EFCAB6: variants seen among roughly 807,000 people sequenced by gnomAD.
EFCAB6 encodes the protein EF-hand calcium binding domain 6, also known as EF-hand calcium-binding domain-containing protein 6.
Under a neutral mutation model 169.8 loss-of-function variants are expected in EFCAB6, and 156 were observed. That is an observed-to-expected ratio of 0.92 (90% CI 0.81 to 1.05). The LOEUF (loss-of-function observed/expected upper bound fraction) is 1.05. EFCAB6 is among the 50% of genes least tolerant of loss of function. The pLI, the probability that EFCAB6 is intolerant of heterozygous loss-of-function variation, is 0.00. For missense variants in EFCAB6, 1,800 were observed against 1,829.1 expected (o/e 0.98, Z 0.29); for synonymous variants, 698 against 676.4 (o/e 1.03, Z -0.50).
At chr22:43,690,182 C>T (rs994569328) in intron 10 of EFCAB6, among the ~76,000 whole-genome samples, 1 of 152,078 alleles carries the variant, frequency 6.6e-6, no homozygotes, top group African/African-American at 2.4e-5. Flanking sequence ...TATTTCCATA[C>T]CTCTACCAGC....
intron 25 of EFCAB6, among the ~76,000 whole-genome samples, chr22:43,577,763 C>T (rs1006188281): frequency 2.0e-5 from 3 of 151,986 alleles, no homozygotes; most frequent in African/African-American, 7.3e-5. Flanking sequence ...CTGCAAAGCT[C>T]AGCTGGCTGG....
At chr22:43,673,108 C>T (rs1479432494) in intron 13 of EFCAB6, among the ~76,000 whole-genome samples, 3 of 152,024 alleles carry the variant, frequency 2.0e-5, no homozygotes, top group African/African-American at 2.4e-5. Flanking sequence ...GTATTTTTGT[C>T]TCAAGGTACA....
Position 43,626,590 on chromosome 22 carries a change from C to CAGGAGT in EFCAB6, c.2321_2322insACTCCT (p.Leu774_Leu775dup). 6.2e-7 allele frequency: 1 copy of CAGGAGT among 1,614,198 alleles called. No individual in the cohort carries two copies. On this transcript the variant is annotated inframe_insertion, in exon 20 of 32. Transcript: ENST00000262726. Reference sequence around the variant, plus strand: ...CAAACTCGTCGTCTTTGAGATTAAGCAGTAGATGCAGGAGCAGTCTGTGAA... The same window carrying CAGGAGT: ...CAAACTCGTCGTCTTTGAGATTAAGCAGGAGTAGTAGATGCAGGAGCAGTCTGTGAA...
chr22:43,725,952 T>G (rs1349292722), intron 8 of EFCAB6, among the ~76,000 whole-genome samples: 4 of 152,148 alleles, frequency 2.6e-5, no homozygotes, highest in Non-Finnish European at 1.5e-5. Context: ...GAATGCAGGA[T>G]AGAAGACAGA....
At chr22:43,580,852 G>A (rs1375350560) in intron 24 of EFCAB6, among the ~76,000 whole-genome samples, 193 bp from the exon 25 acceptor site, 2 of 152,170 alleles carry the variant, frequency 1.3e-5, no homozygotes, top group Non-Finnish European at 2.9e-5. Context: ...TGCAATAAGA[G>A]GACACAGGGT....
intron 6 of EFCAB6, among the ~76,000 whole-genome samples, chr22:43,739,953 C>A (rs1365932487): frequency 6.6e-6 from 1 of 152,144 alleles, no homozygotes; most frequent in East Asian, 1.9e-4. Flanking sequence ...CTGTGACCCA[C>A]CAGGCCACAC....
At chr22:43,733,898 G>A (rs1337058392) in intron 7 of EFCAB6, among the ~76,000 whole-genome samples, 1 of 152,100 alleles carries the variant, frequency 6.6e-6, no homozygotes, top group African/African-American at 2.4e-5. Flanking sequence ...TAGTAGAGAT[G>A]GGGTTTCACC....
At chr22:43,632,926 T>C (rs1307368809) in intron 18 of EFCAB6, among the ~76,000 whole-genome samples, 2 of 152,250 alleles carry the variant, frequency 1.3e-5, no homozygotes, top group South Asian at 2.1e-4. Flanking sequence ...GACAAGAATA[T>C]AGAATTCATT....
intron 18 of EFCAB6, 91 bp downstream of exon 18, chr22:43,635,011 T>A: frequency 1.0e-6 from 1 of 986,406 alleles, no homozygotes. Context: ...TTGTGCTACT[T>A]CAACCCGAGT....
At chr22:43,540,809 C>G (rs750154903) in intron 27 of EFCAB6, among the ~76,000 whole-genome samples, 3 of 152,190 alleles carry the variant, frequency 2.0e-5, no homozygotes, top group Non-Finnish European at 4.4e-5. Context: ...CAGCCCTCAG[C>G]CCCTGCACTT....
intron 13 of EFCAB6, among the ~76,000 whole-genome samples, chr22:43,675,257 TATATA>T (rs555641420): frequency 8.7e-4 from 123 of 142,112 alleles, no homozygotes; most frequent in East Asian, 5.9e-3. Context: ...ATATTATGTG[TATATA>T]ATATATTATG....
intron 27 of EFCAB6, among the ~76,000 whole-genome samples, chr22:43,547,326 C>A (rs1412129631): frequency 2.0e-5 from 3 of 152,034 alleles, no homozygotes; most frequent in African/African-American, 7.3e-5. Flanking sequence ...GACTGATGAA[C>A]TTTTGACTTT....
intron 31 of EFCAB6, chr22:43,530,599 C>T: frequency 2.0e-6 from 2 of 985,458 alleles, no homozygotes; most frequent in Non-Finnish European, 2.4e-6. Context: ...CCACGCAGGG[C>T]TCCAGCAACC....
intron 23 of EFCAB6, 69 bp from the exon 24 acceptor site, chr22:43,590,298 T>C: frequency 6.5e-7 from 1 of 1,541,538 alleles, no homozygotes; most frequent in African/African-American, 1.4e-5. Flanking sequence ...AAGCAAACAC[T>C]GCATGATTAT....
At chr22:43,623,250 A>G (rs1168103568) in intron 20 of EFCAB6, among the ~76,000 whole-genome samples, 2 of 152,238 alleles carry the variant, frequency 1.3e-5, no homozygotes, top group Non-Finnish European at 2.9e-5. Context: ...CTAAAAGGAC[A>G]CATGAGAATA....
In EFCAB6 at chr22:43,537,168, G is replaced by A. The variant is rs1362529899; in HGVS notation, c.4048+209C>T. 2.8e-5 allele frequency: 15 copies of A among 534,378 alleles called. No individual in the cohort carries two copies. The highest frequency in any genetic ancestry group is 4.9e-5 in the Non-Finnish European group (15 of 307,862). The allele number at this position is 534,378 out of a possible 1,614,324, so 33.1% of individuals were successfully genotyped here. On this transcript the variant is annotated intron_variant, in intron 29 of 31. Transcript: ENST00000262726. The surrounding 1 kb of genome is among the most constrained non-coding windows in gnomAD (Gnocchi z 4.3). ...AGCGCTGACTTTACCATGCAGATGG[G>A]CCCCCTGCTGGGAGGGCCGGGTAGT...
At chr22:43,616,916 T>G (rs1369851805) in intron 20 of EFCAB6, among the ~76,000 whole-genome samples, 1 of 152,216 alleles carries the variant, frequency 6.6e-6, no homozygotes, top group Non-Finnish European at 1.5e-5. Flanking sequence ...GTGATTTTCC[T>G]TCTTCACCTG....
At chr22:43,792,283 T>C (rs555111292) in intron 2 of EFCAB6, among the ~76,000 whole-genome samples, 2 of 152,182 alleles carry the variant, frequency 1.3e-5, no homozygotes, top group South Asian at 4.2e-4. Context: ...CACGAACCTG[T>C]GGTTGTGTGT....
At chr22:43,649,534 C>T (rs537346495) in intron 17 of EFCAB6, among the ~76,000 whole-genome samples, 90 of 152,060 alleles carry the variant, frequency 5.9e-4, no homozygotes, top group Non-Finnish European at 1.2e-3. Context: ...AGTCTTACTC[C>T]TGGCATCCAT....
Sources: gnomAD v4.1 joint callset for allele counts (sites outside exome capture counted in the v4.1 genomes callset) on GRCh38, gnomAD v4.1.1 for gene constraint, Gnocchi (gnomAD v3.1) non-coding constraint, MANE v1.5 for transcripts, NCBI Gene and HGNC (gene_info 2026-07-23, HGNC 2026-07-21) for gene names.